CLUL1: variants seen among roughly 807,000 people sequenced by gnomAD.
The protein encoded by CLUL1 is clusterin like 1.
Under a neutral mutation model 49.4 loss-of-function variants are expected in CLUL1, and 43 were observed. The observed-to-expected ratio is 0.87, with a 90% CI of 0.68 to 1.12. The LOEUF is 1.12. Ranked by LOEUF, CLUL1 falls within the 50% of genes most tolerant of loss-of-function variation. The probability of loss-of-function intolerance (pLI) is 0.00; values close to 1 mark genes in which losing one functional copy is unlikely to be tolerated. For missense variants in CLUL1, 486 were observed against 544.4 expected, an observed-to-expected ratio of 0.89 and a Z score of 1.07; for synonymous variants, 192 against 184.9, an observed-to-expected ratio of 1.04 and a Z score of -0.31.
At chr18:626,110 C>T (rs1441403003) in intron 5 of CLUL1, among the ~76,000 whole-genome samples, 1 of 152,032 alleles carries the variant, frequency 6.6e-6, no homozygotes, top group Non-Finnish European at 1.5e-5. Flanking sequence ...CACCCAAATT[C>T]TTTTCTTTAT....
In CLUL1 at chr18:633,786, AGAGCATGTAATCGGAATGAATCAGGGCG is replaced by A. The variant is rs1567972269; in HGVS notation, c.994+356_994+383del. Among the ~76,000 whole-genome samples, 7 of 147,118 alleles carry A rather than the reference AGAGCATGTAATCGGAATGAATCAGGGCG, an allele frequency of 4.8e-5. No homozygotes were observed. The South Asian group carries it at 6.5e-4, about 14-fold the overall frequency. On this transcript the variant is annotated intron_variant, in intron 7 of 9. Coordinates refer to ENST00000692774, the MANE Select transcript of CLUL1 (RefSeq NM_001393344.1). Reference sequence around the variant, plus strand: ...GTCTGGAGGGAAAAATGGTTATGACAGAGCATGTAATCGGAATGAATCAGGGCGGAGCGTGTAATCGGAATGAATCAGG... The same window carrying A: ...GTCTGGAGGGAAAAATGGTTATGACAGAGCGTGTAATCGGAATGAATCAGG...
intron 7 of CLUL1, among the ~76,000 whole-genome samples, chr18:634,008 A>G (rs2074069832): frequency 6.6e-6 from 1 of 152,222 alleles, no homozygotes. Flanking sequence ...GGGTTTCTTT[A>G]GTATTCTGGA....
chr18:629,961 C>CT (rs1361193716), intron 6 of CLUL1, among the ~76,000 whole-genome samples: 1 of 152,174 alleles, frequency 6.6e-6, no homozygotes, highest in Non-Finnish European at 1.5e-5. Flanking sequence ...TGACTTGACA[C>CT]TTTGAGTTTT....
chr18:601,238 G>A (rs975337322), intron 1 of CLUL1, among the ~76,000 whole-genome samples: 7 of 152,184 alleles, frequency 4.6e-5, no homozygotes, highest in Non-Finnish European at 8.8e-5. Flanking sequence ...GGATATTTCT[G>A]TTTCCAAGTT....
chr18:642,765 T>G (rs2074379811), intron 8 of CLUL1, among the ~76,000 whole-genome samples: 2 of 152,254 alleles, frequency 1.3e-5, no homozygotes, highest in African/African-American at 4.8e-5. Flanking sequence ...CTGGTGCTGG[T>G]GCTGCTGCTA....
Position 597,025 on chromosome 18 carries a change from T to C in CLUL1, c.-240T>C, listed in dbSNP as rs1180327740. ...CTGCAGGCCCGGGCCGCGGGGTTGGTTTCCACCCTGGAGGTTGCTGACACC... is the reference window on the plus strand; with the variant it reads ...CTGCAGGCCCGGGCCGCGGGGTTGGCTTCCACCCTGGAGGTTGCTGACACC... On this transcript the variant is annotated 5_prime_UTR_variant, in exon 1 of 10. Coordinates refer to ENST00000692774, the MANE Select transcript of CLUL1 (RefSeq NM_001393344.1). 1 of 152,530 alleles carries C rather than the reference T, an allele frequency of 6.6e-6. No homozygotes were observed. The highest frequency in any genetic ancestry group is 1.5e-5 in the Non-Finnish European group (1 of 68,058). 9.4% of individuals were successfully genotyped at this position (152,530 alleles called of 1,614,324 possible).
chr18:606,574 A>G lies in CLUL1; in HGVS notation c.-135-404A>G, dbSNP rs1366391608. On this transcript the variant is annotated intron_variant, in intron 1 of 9. Coordinates refer to ENST00000692774, the MANE Select transcript of CLUL1 (RefSeq NM_001393344.1). The surrounding 1 kb of genome is among the most constrained non-coding windows in gnomAD (Gnocchi z 4.1). ...TCCTCACCCCTGGTCAGGAGAAGCC[A>G]AAACATCAGTCAGCTTCCCAGTAAT... is the stretch of plus-strand genomic sequence containing the variant. Among the ~76,000 whole-genome samples the G allele has an allele frequency of 6.6e-6, 1 of 152,092 alleles. No homozygotes were observed. The highest frequency in any genetic ancestry group is 1.5e-5 in the Non-Finnish European group (1 of 68,012).
intron 7 of CLUL1, among the ~76,000 whole-genome samples, chr18:637,000 T>G (rs1468690687): frequency 6.6e-6 from 1 of 151,348 alleles, no homozygotes; most frequent in Non-Finnish European, 1.5e-5. Context: ...GTTTTTGTTT[T>G]TTTTGAGACG....
intron 1 of CLUL1, among the ~76,000 whole-genome samples, chr18:599,145 T>C (rs541514413): frequency 8.5e-5 from 13 of 152,226 alleles, no homozygotes; most frequent in Non-Finnish European, 1.8e-4. Flanking sequence ...TAAAATGAAA[T>C]TACATAGAAG....
At chr18:630,718 C>T (rs1384349458) in intron 6 of CLUL1, among the ~76,000 whole-genome samples, 6 of 106,976 alleles carry the variant, frequency 5.6e-5, no homozygotes, top group African/African-American at 7.8e-5. Context: ...GACAGAGTCT[C>T]GCTCTGTCTT....
intron 7 of CLUL1, among the ~76,000 whole-genome samples, chr18:637,281 T>A (rs988322751): frequency 5.3e-5 from 8 of 151,976 alleles, no homozygotes; most frequent in African/African-American, 9.7e-5. Context: ...CCACCATCCC[T>A]GGCCTCCAGC....
intron 6 of CLUL1, among the ~76,000 whole-genome samples, chr18:629,329 T>A (rs2073917304): frequency 6.6e-6 from 1 of 152,178 alleles, no homozygotes; most frequent in African/African-American, 2.4e-5. Flanking sequence ...GCCTGACTGT[T>A]TACATGGATA....
chr18:637,423 C>T lies in CLUL1; in HGVS notation c.995-3904C>T, dbSNP rs934926534. ...CACTTCATTCTCTGTCAGCCTCTCC[C>T]GACCTCAGTAGTTGGTCTTTTCTCC... On this transcript the variant is annotated intron_variant, in intron 7 of 9. Transcript: ENST00000692774. Among the ~76,000 whole-genome samples, 5 of 152,184 alleles carry T rather than the reference C, an allele frequency of 3.3e-5. No homozygotes were observed. In the East Asian group the frequency reaches 5.8e-4, roughly 18 times the overall value.
At chr18:605,800 C>T (rs1567954657) in intron 1 of CLUL1, among the ~76,000 whole-genome samples, 1 of 152,080 alleles carries the variant, frequency 6.6e-6, no homozygotes, top group Non-Finnish European at 1.5e-5. Flanking sequence ...ACTCAGCCTC[C>T]AGAGTAGCTG....
chr18:631,926 G>A (rs1382918351), intron 6 of CLUL1, among the ~76,000 whole-genome samples: 1 of 152,170 alleles, frequency 6.6e-6, no homozygotes, highest in Non-Finnish European at 1.5e-5. Context: ...GAGGGTCCAG[G>A]AAAGCAGCTG....
Position 644,944 on chromosome 18 carries a change from A to G in CLUL1, c.1244A>G (p.Lys415Arg). ...VPRIHEGNIS[K>R]QDETMMTDLS... ...AGGATTCATGAAGGAAATATTTCCAAACAAGATGAAACAATGATGACAGAC... is the reference window on the plus strand; with the variant it reads ...AGGATTCATGAAGGAAATATTTCCAGACAAGATGAAACAATGATGACAGAC... The change falls in exon 9 of 10, where the codon AAA becomes AGA. Residue 415 changes from lysine to arginine, a missense_variant. Transcript: ENST00000692774. The G allele has an allele frequency of 1.2e-6, 2 of 1,613,246 alleles. No homozygotes were observed. The highest frequency in any genetic ancestry group is 1.7e-6 in the Non-Finnish European group (2 of 1,179,628).
At chr18:605,196 GTTT>G (rs949914806) in intron 1 of CLUL1, among the ~76,000 whole-genome samples, 2 of 152,186 alleles carry the variant, frequency 1.3e-5, no homozygotes, top group African/African-American at 4.8e-5. Flanking sequence ...AAAATTCTGT[GTTT>G]TTAGTTGTTT....
At chr18:630,672 CTTTTTTTTTTTTTTTTTTTT>C (rs36222515) in intron 6 of CLUL1, among the ~76,000 whole-genome samples, 1 of 61,998 alleles carries the variant, frequency 1.6e-5, no homozygotes, top group African/African-American at 7.2e-5. Context: ...CTACTGACAT[CTTTTTTTTTTTTTTTTTTTT>C]TTTTTTTTTT....
chr18:633,175 A>G, intron 6 of CLUL1, 123 bp from the exon 7 acceptor site: 1 of 640,158 alleles, frequency 1.6e-6, no homozygotes, highest in South Asian at 4.1e-5. Flanking sequence ...TAAATTAAAT[A>G]CATACATACA....
Sources: allele counts gnomAD v4.1 joint callset (sites outside exome capture counted in the v4.1 genomes callset), GRCh38; gene constraint gnomAD v4.1.1; non-coding constraint Gnocchi (gnomAD v3.1); transcripts MANE v1.5; gene names NCBI Gene and HGNC (gene_info 2026-07-23, HGNC 2026-07-21).